Variants in PTPN12 observed in about 807,000 individuals in gnomAD.
The protein encoded by PTPN12 is tyrosine-protein phosphatase non-receptor type 12.
A neutral mutation model predicts 97.6 loss-of-function variants in PTPN12; 29 were observed. The ratio of observed to expected loss-of-function variants is 0.30; its 90% CI spans 0.22 to 0.41. The LOEUF (loss-of-function observed/expected upper bound fraction) is 0.41, where lower values mean the gene tolerates loss of function less well. PTPN12 is among the 10% of genes least tolerant of loss of function. PTPN12 has a pLI of 1.00. For missense variants in PTPN12, 819 were observed against 926.0 expected, an observed-to-expected ratio of 0.88 and a Z score of 1.50; for synonymous variants, 327 against 300.4, an observed-to-expected ratio of 1.09 and a Z score of -0.91.
chr7:77,600,644 A>C lies in PTPN12; in HGVS notation c.553-20A>C, dbSNP rs765041083. The C allele has an allele frequency of 6.4e-7, 1 of 1,563,702 alleles. No homozygotes were observed. Among genetic ancestry groups the C allele is most frequent in the South Asian group, 1.2e-5 (1 of 83,108 alleles). On this transcript the variant is annotated intron_variant, in intron 7 of 17. Transcript: ENST00000248594. ...TTGCAAAGTATTTTCATAATTGTTG[A>C]CTTTCTGTTTTTCTTGAAGGAATCT...
chr7:77,601,197 A>G (rs935662622), intron 8 of PTPN12, among the ~76,000 whole-genome samples: 7 of 152,104 alleles, frequency 4.6e-5, no homozygotes. Flanking sequence ...AAACACTGAC[A>G]TGAGATTTTT....
At chr7:77,625,984 G>C (rs1789166336) in intron 12 of PTPN12, among the ~76,000 whole-genome samples, 1 of 152,180 alleles carries the variant, frequency 6.6e-6, no homozygotes, top group African/African-American at 2.4e-5. Flanking sequence ...TCTGAAACCA[G>C]AGAGAACATT....
chr7:77,627,589 C>A lies in PTPN12; in HGVS notation c.1910C>A (p.Thr637Asn), dbSNP rs748630948. Residue 637 changes from threonine to asparagine, a missense_variant, in exon 13 of 18, where the codon ACT becomes AAT. Thr to Asn is a moderately conservative substitution (Grantham distance 65, BLOSUM62 0). Coordinates refer to ENST00000248594, the MANE Select transcript of PTPN12 (RefSeq NM_002835.4). Reference sequence around the variant, plus strand: ...GCCACAGTTTCTGCTGCCACTAGTACTGAAAGCATTTCTACTAGGAAAGTA... The same window carrying A: ...GCCACAGTTTCTGCTGCCACTAGTAATGAAAGCATTTCTACTAGGAAAGTA... Reference protein sequence around the residue: ...ASATVSAATSTESISTRKVLP... With the variant: ...ASATVSAATSNESISTRKVLP... 4 of 1,613,410 alleles carry A rather than the reference C, an allele frequency of 2.5e-6. No individual in the cohort carries two copies. In the African/African-American group the frequency reaches 5.3e-5, roughly 22 times the overall value.
chr7:77,539,056 T>C (rs962251152), intron 1 of PTPN12, among the ~76,000 whole-genome samples: 13 of 152,198 alleles, frequency 8.5e-5, no homozygotes, highest in African/African-American at 3.1e-4. Context: ...CATTGGCTAG[T>C]TTTTATTTTT....
At chr7:77,604,218 T>TTTC (rs1246947659) in intron 8 of PTPN12, among the ~76,000 whole-genome samples, 1 of 118,242 alleles carries the variant, frequency 8.5e-6, no homozygotes, top group Non-Finnish European at 1.7e-5. Context: ...CCTTTTTTTT[T>TTTC]TTTTTTTTTT....
At chr7:77,603,530 G>T (rs1351641065) in intron 8 of PTPN12, among the ~76,000 whole-genome samples, 1 of 152,178 alleles carries the variant, frequency 6.6e-6, no homozygotes, top group Non-Finnish European at 1.5e-5. Context: ...TTGTTGCCCA[G>T]GCTGGAGTGC....
rs748315293 is a variant in PTPN12 at position 77,537,524 on chromosome 7, C to T, written c.-23C>T. 1.1e-5 allele frequency: 17 copies of T among 1,570,312 alleles called. No homozygotes were observed. The Admixed American group carries it at 3.1e-4, about 28-fold the overall frequency. On this transcript the variant is annotated 5_prime_UTR_variant, in exon 1 of 18. Transcript: ENST00000248594. ...GGCGGGCGGCGGGGGGGCCAGCGAC[C>T]GCAGCCGGGGGGACGCGGGAGGATG...
chr7:77,598,870 A>G (rs1273121235), intron 7 of PTPN12, among the ~76,000 whole-genome samples: 1 of 150,594 alleles, frequency 6.6e-6, no homozygotes, highest in Non-Finnish European at 1.5e-5. Flanking sequence ...TTTTGTAAGT[A>G]AAAAAAGTAA....
intron 8 of PTPN12, chr7:77,601,109 C>T (rs769994949): frequency 4.1e-5 from 9 of 219,840 alleles, no homozygotes; most frequent in Non-Finnish European, 7.2e-5. Flanking sequence ...TCATACTCTA[C>T]TTTCTAAAGT....
At chr7:77,625,468 GCT>G (rs139289279) in intron 12 of PTPN12, among the ~76,000 whole-genome samples, 461 of 24,722 alleles carry the variant, frequency 0.019, 19 homozygotes, top group Middle Eastern at 0.029. Context: ...TGCCCAGGCT[GCT>G]CGCTCTCTCT....
At chr7:77,556,002 A>T (rs1807693997) in intron 1 of PTPN12, among the ~76,000 whole-genome samples, 1 of 152,248 alleles carries the variant, frequency 6.6e-6, no homozygotes, top group Non-Finnish European at 1.5e-5. Context: ...CTATTCTGGC[A>T]TACTGTCTAC....
chr7:77,610,786 G>A lies in PTPN12; in HGVS notation c.784G>A (p.Val262Ile). ...TTAGAAAATACCAGAGGAATTTAAT[G>A]TATTTAATTTAATACAAGAAATGAG... Reference protein sequence around the residue: ...KAGKIPEEFNVFNLIQEMRTQ... With the variant: ...KAGKIPEEFNIFNLIQEMRTQ... Residue 262 changes from valine to isoleucine, a missense_variant, in exon 10 of 18, where the codon GTA (valine) becomes ATA (isoleucine). Physicochemically the swap from Val to Ile is conservative, Grantham distance 29 (BLOSUM62 3). Coordinates refer to ENST00000248594, the MANE Select transcript of PTPN12 (RefSeq NM_002835.4). 3 of 1,606,074 alleles carry A rather than the reference G, an allele frequency of 1.9e-6. No individual in the cohort carries two copies. The highest frequency in any genetic ancestry group is 2.5e-6 in the Non-Finnish European group (3 of 1,177,604).
At chr7:77,573,724 C>T (rs1181777466) in intron 2 of PTPN12, among the ~76,000 whole-genome samples, 1 of 152,142 alleles carries the variant, frequency 6.6e-6, no homozygotes, top group Non-Finnish European at 1.5e-5. Flanking sequence ...CTTTTTCTGT[C>T]GTCTAGCCGT....
chr7:77,557,891 A>G (rs1807794090), intron 1 of PTPN12, among the ~76,000 whole-genome samples: 1 of 152,100 alleles, frequency 6.6e-6, no homozygotes, highest in Admixed American at 6.6e-5. Context: ...TTTGATAAAA[A>G]CTCAAAAATT....
chr7:77,555,404 A>G (rs1210776142), intron 1 of PTPN12, among the ~76,000 whole-genome samples: 2 of 151,952 alleles, frequency 1.3e-5, no homozygotes, highest in African/African-American at 2.4e-5. Context: ...TATTACCCTT[A>G]TGCATATTTA....
intron 1 of PTPN12, among the ~76,000 whole-genome samples, chr7:77,554,871 A>G (rs1006621525): frequency 6.6e-6 from 1 of 152,048 alleles, no homozygotes; most frequent in African/African-American, 2.4e-5. Flanking sequence ...CTGTTTTTGT[A>G]GAAACGAGGT....
intron 1 of PTPN12, among the ~76,000 whole-genome samples, chr7:77,565,073 T>TCTCCTGACTTCGTGA (rs1554313136): frequency 6.6e-6 from 1 of 152,026 alleles, no homozygotes; most frequent in Non-Finnish European, 1.5e-5. Context: ...GTACTGTGTT[T>TCTCCTGACTTCGTGA]TAAGTGTTAT....
chr7:77,608,536 T>C (rs905700390), intron 9 of PTPN12, among the ~76,000 whole-genome samples: 1 of 152,238 alleles, frequency 6.6e-6, no homozygotes, highest in Non-Finnish European at 1.5e-5. Context: ...TGTGTTCATT[T>C]CTAGAGAGGC....
chr7:77,619,753 G>A (rs1022329684), intron 12 of PTPN12, among the ~76,000 whole-genome samples: 1 of 152,040 alleles, frequency 6.6e-6, no homozygotes, highest in Non-Finnish European at 1.5e-5. Context: ...TTACATGCCC[G>A]GCCTATAGTA....
Sources: allele counts gnomAD v4.1 joint callset (sites outside exome capture counted in the v4.1 genomes callset), GRCh38; gene constraint gnomAD v4.1.1; transcripts MANE v1.5; gene names NCBI Gene and HGNC (gene_info 2026-07-23, HGNC 2026-07-21).